The following LRRC15 variants were observed in gnomAD, a reference collection of about 807,000 sequenced individuals.
LRRC15 encodes the protein leucine-rich repeat-containing protein 15.
LRRC15 carries 5 observed loss-of-function variants against 4.3 expected under a neutral mutation model. The ratio of observed to expected loss-of-function variants is 1.16; its 90% confidence interval spans 0.61 to 2.44. The LOEUF is 2.44. Ranked by LOEUF, LRRC15 falls within the 30% of genes most tolerant of loss-of-function variation. The pLI is 0.01. For missense variants in LRRC15, 769 were observed against 747.0 expected (o/e 1.03, Z -0.34); for synonymous variants, 337 against 323.2 (o/e 1.04, Z -0.46).
rs771687921 is a variant in LRRC15, at chr3:194,360,415, G to C, written c.629C>G (p.Thr210Arg). ...QVLRLYENRL[T>R]DIPMGTFDGL... is the part of the protein sequence containing the mutation. ...ATCAAAAGTGCCCATGGGGATATCC[G>C]TGAGCCTGTTCTCATACAGCCGGAG... Residue 210 changes from threonine (T) to arginine (R), a missense_variant, in exon 2 of 2, where the codon ACG becomes AGG. Coordinates refer to ENST00000347624, the MANE Select transcript of LRRC15 (RefSeq NM_130830.5). The C allele has an allele frequency of 2.5e-6, 4 of 1,614,066 alleles. No homozygotes were observed.
rs1409328586 is a variant in LRRC15 at position 194,359,379 on chromosome 3, C to G, written c.1665G>C (p.Leu555=). 10 of 1,614,164 alleles carry G rather than the reference C, an allele frequency of 6.2e-6. No homozygotes were observed. Among genetic ancestry groups the G allele is most frequent in the Non-Finnish European group, 8.5e-6 (10 of 1,180,012 alleles). ...VIGIVALACS[L]AACVGCCCCK... ...AGCAGCAACAGCCGACGCAGGCAGC[C>G]AGGGAGCAGGCCAGGGCGACAATGC... is the stretch of plus-strand genomic sequence containing the variant. The change falls in exon 2 of 2, where the codon CTG becomes CTC. Residue 555 remains leucine (L), a synonymous_variant. Transcript: ENST00000347624.
rs757965011 is a variant in LRRC15 at position 194,359,195 on chromosome 3, G to A, written c.*103C>T. 44 of 1,095,822 alleles carry A rather than the reference G, an allele frequency of 4.0e-5. No individual in the cohort carries two copies. Among genetic ancestry groups the A allele is most frequent in the Non-Finnish European group, 5.6e-5 (43 of 767,918 alleles). The allele number at this position is 1,095,822 out of a possible 1,614,324, so 67.9% of individuals were successfully genotyped here. A position where few individuals can be genotyped will look rare whatever the true frequency, so the allele number is the denominator to read the frequency against. On this transcript the variant is annotated 3_prime_UTR_variant, in exon 2 of 2. Coordinates refer to ENST00000347624, the MANE Select transcript of LRRC15 (RefSeq NM_130830.5). ...TCACCTTTCTCTGGGGCCAGAAAGA[G>A]CAATCACGGGAAAGCTCCATGGACC... is the stretch of plus-strand genomic sequence containing the variant.
rs1404255421 is a variant in LRRC15, at chr3:194,361,138, C to T, written c.-3-92G>A. The T allele has an allele frequency of 2.8e-5, 33 of 1,175,740 alleles. No individual in the cohort carries two copies. In the Middle Eastern group the frequency reaches 8.5e-4, roughly 30 times the overall value. The allele number at this position is 1,175,740 out of a possible 1,614,324, so 72.8% of individuals were successfully genotyped here. ...ACATCAACTCCAGTGCCAATGCTGG[C>T]TTGGCTTTGAACCCCATCATCACAT... On this transcript the variant is annotated intron_variant, in intron 1 of 1. Coordinates refer to ENST00000347624, the MANE Select transcript of LRRC15 (RefSeq NM_130830.5).
Position 194,359,288 on chromosome 3 carries a change from G to A in LRRC15, c.*10C>T, listed in dbSNP as rs116019357. The A allele has an allele frequency of 3.1e-4, 486 of 1,544,394 alleles. 1 individual carries two copies. In the African/African-American group the frequency reaches 5.8e-3, roughly 19 times the overall value. On this transcript the variant is annotated 3_prime_UTR_variant, in exon 2 of 2. Transcript: ENST00000347624. ...CCCATCATTCCCCAGCCCTGCTCCA[G>A]CCTGCCTCTTTAACACTCATTGGGT...
chr3:194,368,996 A>G (rs2108661450), intron 1 of LRRC15, among the ~76,000 whole-genome samples: 1 of 152,362 alleles, frequency 6.6e-6, no homozygotes, highest in South Asian at 2.1e-4. Flanking sequence ...GGAAACTGCC[A>G]GCATAGTGTC....
At position 194,360,866 on chromosome 3, in the gene LRRC15, T is replaced by G; in HGVS notation, c.178A>C (p.Ile60Leu). The change falls in exon 2 of 2, where the codon ATC (isoleucine) becomes CTC (leucine). Residue 60 changes from isoleucine (I) to leucine (L), a missense_variant. Coordinates refer to ENST00000347624, the MANE Select transcript of LRRC15 (RefSeq NM_130830.5). ...AGTTCAGTGATGTGCGTGTTGAGGATCTGCAGGCTCATGGCGTTCCAGGGC... is the reference window on the plus strand; with the variant it reads ...AGTTCAGTGATGTGCGTGTTGAGGAGCTGCAGGCTCATGGCGTTCCAGGGC... ...PLPWNAMSLQ[I>L]LNTHITELNE... 1 of 1,609,874 alleles carries G rather than the reference T, an allele frequency of 6.2e-7. No individual in the cohort carries two copies. Among genetic ancestry groups the G allele is most frequent in the Non-Finnish European group, 8.5e-7 (1 of 1,177,096 alleles).
rs1392716458 is a variant in LRRC15, at chr3:194,360,736, A to C, written c.308T>G (p.Leu103Arg). 1 of 1,614,222 alleles carries C rather than the reference A, an allele frequency of 6.2e-7. No homozygotes were observed. Among genetic ancestry groups the C allele is most frequent in the Non-Finnish European group, 8.5e-7 (1 of 1,180,032 alleles). Residue 103 changes from leucine to arginine, a missense_variant, in exon 2 of 2, where the codon CTG (leucine) becomes CGG (arginine). Coordinates refer to ENST00000347624, the MANE Select transcript of LRRC15 (RefSeq NM_130830.5). The part of the protein sequence containing the change: ...TPGAFRNLGS[L>R]RYLSLANNKL... ...GTTGTTGGCGAGGCTGAGATAGCGCAGCGAGCCCAGGTTTCGGAAGGCCCC... is the reference window on the plus strand; with the variant it reads ...GTTGTTGGCGAGGCTGAGATAGCGCCGCGAGCCCAGGTTTCGGAAGGCCCC...
Position 194,359,145 on chromosome 3 carries a change from T to C in LRRC15, c.*153A>G. 1.5e-6 allele frequency: 1 copy of C among 667,114 alleles called. No homozygotes were observed. The highest frequency in any genetic ancestry group is 2.5e-6 in the Non-Finnish European group (1 of 408,034). The allele number at this position is 667,114 out of a possible 1,614,324, so 41.3% of individuals were successfully genotyped here. A position where few individuals can be genotyped will look rare whatever the true frequency, so the allele number is the denominator to read the frequency against. On this transcript the variant is annotated 3_prime_UTR_variant, in exon 2 of 2. Coordinates refer to ENST00000347624, the MANE Select transcript of LRRC15 (RefSeq NM_130830.5). The stretch of plus-strand genomic sequence containing the variant: ...CACGACCTGCTTCTCTACGGGAGAA[T>C]CAGGCAAGTCAGGAAGAGGTAGGCT...
rs1325465920 is a variant in LRRC15 at position 194,359,326 on chromosome 3, A to G, written c.1718T>C (p.Met573Thr). Residue 573 changes from methionine (M) to threonine (T), a missense_variant, in exon 2 of 2, where the codon ATG becomes ACG. Met to Thr is a moderately conservative substitution (Grantham distance 81, BLOSUM62 -1). Coordinates refer to ENST00000347624, the MANE Select transcript of LRRC15 (RefSeq NM_130830.5). Reference protein sequence around the residue: ...CCKKRSQAVLMQMKAPNEC With the variant: ...CCKKRSQAVLTQMKAPNEC ...ACACTCATTGGGTGCCTTCATCTGC[A>G]TCAGGACAGCTTGGCTCCTCTTCTT... 4 of 1,609,232 alleles carry G rather than the reference A, an allele frequency of 2.5e-6. No individual in the cohort carries two copies. In the Admixed American group the frequency reaches 6.7e-5, roughly 27 times the overall value.
rs1185496702 is a variant in LRRC15, at chr3:194,358,408, C to T, written c.*890G>A. The T allele has an allele frequency of 3.3e-5, 5 of 152,228 alleles. No homozygotes were observed. Among genetic ancestry groups the T allele is most frequent in the Admixed American group, 2.6e-4 (4 of 15,280 alleles). 9.4% of individuals were successfully genotyped at this position (152,228 alleles called of 1,614,324 possible). ...TTAAAACAAACTCTAGGGGTGAACA[C>T]AGGGACCCCCAGGCACCAGATTTCT... On this transcript the variant is annotated 3_prime_UTR_variant, in exon 2 of 2. Coordinates refer to ENST00000347624, the MANE Select transcript of LRRC15 (RefSeq NM_130830.5).
At position 194,366,289 on chromosome 3, in the gene LRRC15, C is replaced by T. The variant is rs113143471; in HGVS notation, c.-4+3372G>A. ...TAGCGTTGCTGCTGTGAGGATTAAACGAGTTAATGCATGTGAAGCACTTGG... is the reference window on the plus strand; with the variant it reads ...TAGCGTTGCTGCTGTGAGGATTAAATGAGTTAATGCATGTGAAGCACTTGG... On this transcript the variant is annotated intron_variant, in intron 1 of 1. Transcript: ENST00000347624. Among the ~76,000 whole-genome samples the T allele has an allele frequency of 2.7e-3, 414 of 152,318 alleles. 1 individual carries two copies. Among genetic ancestry groups the T allele is most frequent in the Non-Finnish European group, 4.5e-3 (309 of 68,038 alleles).
chr3:194,364,920 C>T (rs985974646), intron 1 of LRRC15, among the ~76,000 whole-genome samples: 2 of 152,226 alleles, frequency 1.3e-5, no homozygotes, highest in African/African-American at 4.8e-5. Context: ...GGAGGGGCCA[C>T]AGAACCAGGA....
intron 1 of LRRC15, among the ~76,000 whole-genome samples, chr3:194,364,249 G>A (rs900837710): frequency 6.6e-6 from 1 of 152,128 alleles, no homozygotes; most frequent in Non-Finnish European, 1.5e-5. Flanking sequence ...CCAAGACAAC[G>A]GTGCCTGTAC....
At chr3:194,366,130 G>T (rs1713766459) in intron 1 of LRRC15, among the ~76,000 whole-genome samples, 1 of 152,204 alleles carries the variant, frequency 6.6e-6, no homozygotes, top group Non-Finnish European at 1.5e-5. Context: ...GGGGGCTCAG[G>T]CCAGTGGGTC....
In LRRC15 at chr3:194,359,378, C is replaced by T. The variant is rs1438229924; in HGVS notation, c.1666G>A (p.Ala556Thr). ...CAGCAGCAACAGCCGACGCAGGCAG[C>T]CAGGGAGCAGGCCAGGGCGACAATG... ...IGIVALACSL[A>T]ACVGCCCCKK... The change falls in exon 2 of 2, where the codon GCT becomes ACT. Residue 556 changes from alanine (A) to threonine (T), a missense_variant. Ala to Thr is a moderately conservative substitution (Grantham distance 58). Coordinates refer to ENST00000347624, the MANE Select transcript of LRRC15 (RefSeq NM_130830.5). The T allele has an allele frequency of 4.3e-6, 7 of 1,614,086 alleles. No individual in the cohort carries two copies. The highest frequency in any genetic ancestry group is 5.9e-6 in the Non-Finnish European group (7 of 1,179,990).
rs1226788421 is a variant in LRRC15 at position 194,360,811 on chromosome 3, G to A, written c.233C>T (p.Ala78Val). The stretch of plus-strand genomic sequence containing the variant: ...CTTCTCAATCCTCAGGGCGATGAGG[G>A]CTGAGATATTGAGGAACGGGGACTC... Reference protein sequence around the residue: ...LNESPFLNISALIALRIEKNE... With the variant: ...LNESPFLNISVLIALRIEKNE... Residue 78 changes from alanine to valine, a missense_variant, in exon 2 of 2, where the codon GCC (alanine) becomes GTC (valine). Transcript: ENST00000347624. 6.2e-7 allele frequency: 1 copy of A among 1,614,202 alleles called. No homozygotes were observed. Among genetic ancestry groups the A allele is most frequent in the South Asian group, 1.1e-5 (1 of 91,088 alleles).
rs1425591106 is a variant in LRRC15, at chr3:194,362,946, T to TG, written c.-3-1901_-3-1900insC. 2.7e-5 allele frequency among the ~76,000 whole-genome samples: 4 copies of TG among 147,244 alleles called. No individual in the cohort carries two copies. The East Asian group carries it at 7.9e-4, about 29-fold the overall frequency. ...CACACAGACCTTGATTTTGTTTTTT[T>TG]TTTTTTTTTTTTTGAGATGGAGTCT... On this transcript the variant is annotated intron_variant, in intron 1 of 1. Coordinates refer to ENST00000347624, the MANE Select transcript of LRRC15 (RefSeq NM_130830.5).
chr3:194,369,106 C>T (rs1270861513), intron 1 of LRRC15, among the ~76,000 whole-genome samples: 1 of 152,260 alleles, frequency 6.6e-6, no homozygotes, highest in African/African-American at 2.4e-5. Flanking sequence ...TGAAGTTACA[C>T]TTGCAGGAGT....
intron 1 of LRRC15, among the ~76,000 whole-genome samples, chr3:194,367,795 G>C (rs1049197029): frequency 6.6e-6 from 1 of 152,236 alleles, no homozygotes. Context: ...GCGGGGACCC[G>C]CGTCTCTCAT....
Sources: gnomAD v4.1 joint callset for allele counts (sites outside exome capture counted in the v4.1 genomes callset) on GRCh38, gnomAD v4.1.1 for gene constraint, MANE v1.5 for transcripts, NCBI Gene and HGNC (gene_info 2026-07-23, HGNC 2026-07-21) for gene names.